Variants in VPS13B observed in about 807,000 individuals in gnomAD.
VPS13B encodes intermembrane lipid transfer protein VPS13B.
A neutral mutation model predicts 426.4 loss-of-function variants in VPS13B; 285 were observed. That is an observed-to-expected ratio of 0.67 (90% CI 0.61 to 0.74). The LOEUF (loss-of-function observed/expected upper bound fraction) is 0.74, where lower values mean the gene tolerates loss of function less well. Among genes scored for constraint, VPS13B ranks in the 30% least tolerant of loss-of-function variants. VPS13B has a pLI of 0.00. For synonymous variants in VPS13B, 1,676 were observed against 1,676.4 expected, an observed-to-expected ratio of 1.00 and a Z score of 0.01; for missense variants, 4,537 against 4,782.6, an observed-to-expected ratio of 0.95 and a Z score of 1.51.
At chr8:99,489,432 C>T (rs1820479718) in intron 25 of VPS13B, among the ~76,000 whole-genome samples, 3 of 151,742 alleles carry the variant, frequency 2.0e-5, no homozygotes, top group Non-Finnish European at 2.9e-5. Flanking sequence ...TTTTCCAATG[C>T]TGTGAAGAAA....
At chr8:99,419,706 C>T (rs953973467) in intron 21 of VPS13B, among the ~76,000 whole-genome samples, 3 of 151,880 alleles carry the variant, frequency 2.0e-5, no homozygotes, top group African/African-American at 7.3e-5. Context: ...AAAAATGAAA[C>T]CACAAATTAT....
At chr8:99,790,443 C>CA (rs1422207060) in intron 43 of VPS13B, among the ~76,000 whole-genome samples, 1 of 152,070 alleles carries the variant, frequency 6.6e-6, no homozygotes, top group African/African-American at 2.4e-5. Context: ...TATATACATT[C>CA]TTCTAAGGAA....
intron 23 of VPS13B, among the ~76,000 whole-genome samples, chr8:99,448,476 A>C (rs1818036859): frequency 6.6e-6 from 1 of 152,158 alleles, no homozygotes; most frequent in Non-Finnish European, 1.5e-5. Flanking sequence ...TTCTGCATTT[A>C]AAATGGTGTT....
rs571747769 is a variant in VPS13B at position 99,084,311 on chromosome 8, A to T, written c.292-12001A>T. On this transcript the variant is annotated intron_variant, in intron 3 of 61. Coordinates refer to ENST00000357162, the MANE Select transcript of VPS13B (RefSeq NM_152564.5). ...GATTGGTGGTGATATCCCCTTTATC[A>T]TATTTTATTGCGTCTATTTGATTCT... Among the ~76,000 whole-genome samples, 15 of 152,298 alleles carry T rather than the reference A, an allele frequency of 9.8e-5. No homozygotes were observed. In the East Asian group the frequency reaches 2.7e-3, roughly 27 times the overall value.
rs111334566 is a variant in VPS13B, at chr8:99,319,505, T to G, written c.2824+44251T>G. 5.8e-3 allele frequency among the ~76,000 whole-genome samples: 877 copies of G among 152,302 alleles called. 7 individuals carry two copies. The highest frequency in any genetic ancestry group is 9.3e-3 in the Non-Finnish European group (632 of 68,010). On this transcript the variant is annotated intron_variant, in intron 19 of 61. Coordinates refer to ENST00000357162, the MANE Select transcript of VPS13B (RefSeq NM_152564.5). ...GAAATCTGCGAGAATATTTCAAAAT[T>G]GTTCAGGATGTACGACTGTTCTTTG...
At chr8:99,108,709 A>G (rs889029136) in intron 5 of VPS13B, among the ~76,000 whole-genome samples, 1 of 152,036 alleles carries the variant, frequency 6.6e-6, no homozygotes, top group Non-Finnish European at 1.5e-5. Context: ...GTCAGGGAGT[A>G]TGATGCCTCT....
At chr8:99,087,263 G>A (rs1036164727) in intron 3 of VPS13B, among the ~76,000 whole-genome samples, 1 of 152,194 alleles carries the variant, frequency 6.6e-6, no homozygotes, top group African/African-American at 2.4e-5. Context: ...AGCCATGTGC[G>A]GGATTTAATC....
At chr8:99,540,944 A>G (rs1588476939) in intron 30 of VPS13B, among the ~76,000 whole-genome samples, 1 of 152,166 alleles carries the variant, frequency 6.6e-6, no homozygotes, top group Non-Finnish European at 1.5e-5. Context: ...GTCATGGTAT[A>G]GAAGCACAAA....
chr8:99,187,985 G>C (rs1004859371), intron 16 of VPS13B, among the ~76,000 whole-genome samples: 1 of 151,240 alleles, frequency 6.6e-6, no homozygotes, highest in Non-Finnish European at 1.5e-5. Flanking sequence ...GAGAGAGAGT[G>C]ACGGAGACAG....
intron 57 of VPS13B, among the ~76,000 whole-genome samples, chr8:99,860,596 A>G (rs1455174654): frequency 6.6e-6 from 1 of 152,154 alleles, no homozygotes; most frequent in Non-Finnish European, 1.5e-5. Context: ...TGGCATCCCT[A>G]TGTGTGTGCG....
intron 5 of VPS13B, among the ~76,000 whole-genome samples, chr8:99,110,466 G>A (rs1240659295): frequency 2.6e-5 from 4 of 151,980 alleles, no homozygotes; most frequent in Non-Finnish European, 5.9e-5. Flanking sequence ...ATGTGGTGGT[G>A]TCCACTAGAC....
chr8:99,876,301 T>C lies in VPS13B; in HGVS notation c.*635T>C, dbSNP rs1390174658. On this transcript the variant is annotated 3_prime_UTR_variant, in exon 62 of 62. Transcript: ENST00000357162. ...CATTTGTCATTTAACTGCAGTGCTA[T>C]TCTTTGAAAGCTGCTATGTGTATTT... is the stretch of plus-strand genomic sequence containing the variant. 2 of 153,054 alleles carry C rather than the reference T, an allele frequency of 1.3e-5. No homozygotes were observed. Among genetic ancestry groups the C allele is most frequent in the East Asian group, 1.9e-4 (1 of 5,210 alleles). 9.5% of individuals were successfully genotyped at this position (153,054 alleles called of 1,614,324 possible). A position where few individuals can be genotyped will look rare whatever the true frequency, so the allele number is the denominator to read the frequency against.
chr8:99,108,382 A>G (rs1424621098), intron 5 of VPS13B, among the ~76,000 whole-genome samples: 3 of 152,292 alleles, frequency 2.0e-5, no homozygotes, highest in East Asian at 3.9e-4. Flanking sequence ...GGTCTTAGTC[A>G]TAAATTCTTT....
chr8:99,467,277 T>C (rs1448390671), intron 23 of VPS13B, 137 bp from the exon 24 acceptor site: 1 of 890,566 alleles, frequency 1.1e-6, no homozygotes, highest in Non-Finnish European at 1.8e-6. Flanking sequence ...AGCACCGTGG[T>C]CTCAGGAATA....
intron 17 of VPS13B, among the ~76,000 whole-genome samples, chr8:99,197,339 T>C (rs1317945357): frequency 6.6e-6 from 1 of 152,224 alleles, no homozygotes; most frequent in East Asian, 1.9e-4. Context: ...CCTTCTAAAA[T>C]GAGTTTGAAA....
chr8:99,240,354 A>G (rs1254822664), intron 17 of VPS13B, among the ~76,000 whole-genome samples: 19 of 152,200 alleles, frequency 1.2e-4, no homozygotes. Context: ...CCATTTAATA[A>G]TGTACTTGAG....
At position 99,875,850 on chromosome 8, in the gene VPS13B, T is replaced by C. The variant is rs1056747194; in HGVS notation, c.*184T>C. Reference sequence around the variant, plus strand: ...CATAAAGGGCTGCATTTTGCCACCATAAAGGGCTGCATTTTTTTAAAAAGC... The same window carrying C: ...CATAAAGGGCTGCATTTTGCCACCACAAAGGGCTGCATTTTTTTAAAAAGC... On this transcript the variant is annotated 3_prime_UTR_variant, in exon 62 of 62. Transcript: ENST00000357162. The C allele has an allele frequency of 5.6e-6, 4 of 709,900 alleles. No homozygotes were observed. Among genetic ancestry groups the C allele is most frequent in the Non-Finnish European group, 9.2e-6 (4 of 435,846 alleles). 44.0% of individuals were successfully genotyped at this position (709,900 alleles called of 1,614,324 possible). A position where few individuals can be genotyped will look rare whatever the true frequency, so the allele number is the denominator to read the frequency against.
intron 30 of VPS13B, among the ~76,000 whole-genome samples, chr8:99,521,922 T>C (rs899082992): frequency 3.3e-5 from 5 of 152,200 alleles, no homozygotes; most frequent in Non-Finnish European, 5.9e-5. Flanking sequence ...CTTTGACTTA[T>C]GTATGTATGA....
At chr8:99,766,694 A>G (rs1811245095) in intron 39 of VPS13B, 80 bp from the exon 40 acceptor site, 1 of 1,243,662 alleles carries the variant, frequency 8.0e-7, no homozygotes, top group South Asian at 1.4e-5. Flanking sequence ...TAATTTTTAT[A>G]AAGGTTTAAT....
Sources: gnomAD v4.1 joint callset for allele counts (sites outside exome capture counted in the v4.1 genomes callset) on GRCh38, gnomAD v4.1.1 for gene constraint, MANE v1.5 for transcripts, NCBI Gene and HGNC (gene_info 2026-07-23, HGNC 2026-07-21) for gene names.